Variants in TBCD observed in about 807,000 individuals in gnomAD.
TBCD encodes the protein tubulin-specific chaperone D.
TBCD carries 105 observed loss-of-function variants against 169.3 expected under a neutral mutation model. That is an observed-to-expected ratio of 0.62 (90% confidence interval 0.53 to 0.73). The LOEUF is 0.73. TBCD is among the 30% of genes least tolerant of loss of function. The probability of loss-of-function intolerance (pLI) is 0.00; values close to 1 mark genes in which losing one functional copy is unlikely to be tolerated. For synonymous variants in TBCD, 700 were observed against 643.9 expected (o/e 1.09, Z -1.32); for missense variants, 1,444 against 1,600.1 (o/e 0.90, Z 1.66).
rs560596814 is a variant in TBCD at position 82,759,610 on chromosome 17, A to G, written c.235+3395A>G. On this transcript the variant is annotated intron_variant, in intron 2 of 38. Coordinates refer to ENST00000355528, the MANE Select transcript of TBCD (RefSeq NM_005993.5). ...AGTGCTGGGATGACAGGTGTGAGCC[A>G]CTGCACCCAGTCTCTACTGAAGTTT... Among the ~76,000 whole-genome samples the G allele has an allele frequency of 9.8e-5, 15 of 152,296 alleles. No individual in the cohort carries two copies. In the South Asian group the frequency reaches 2.5e-3, roughly 25 times the overall value.
chr17:82,755,972 G>A (rs2047381265), intron 1 of TBCD, among the ~76,000 whole-genome samples, 193 bp from the exon 2 acceptor site: 1 of 152,062 alleles, frequency 6.6e-6, no homozygotes, highest in Non-Finnish European at 1.5e-5. Flanking sequence ...CCCTCAAAAG[G>A]CTAGAGGGAG....
At chr17:82,810,063 G>C (rs952644897) in intron 12 of TBCD, among the ~76,000 whole-genome samples, 1 of 152,232 alleles carries the variant, frequency 6.6e-6, no homozygotes, top group Admixed American at 6.5e-5. Context: ...TACTGAGTGA[G>C]TTGGGGCTGC....
At chr17:82,803,256 A>G (rs1304749572) in intron 9 of TBCD, among the ~76,000 whole-genome samples, 3 of 152,130 alleles carry the variant, frequency 2.0e-5, no homozygotes, top group Non-Finnish European at 4.4e-5. Flanking sequence ...CCTCCACAGC[A>G]TGGTCCTTGC....
At chr17:82,905,181 C>T (rs1476491139) in intron 19 of TBCD, among the ~76,000 whole-genome samples, 1 of 152,212 alleles carries the variant, frequency 6.6e-6, no homozygotes, top group Admixed American at 6.5e-5. Flanking sequence ...TCCTGCTCCG[C>T]CCCCTCCACC....
chr17:82,805,176 C>CCTCACACAGCT (rs1358406199), intron 9 of TBCD, among the ~76,000 whole-genome samples: 1 of 152,222 alleles, frequency 6.6e-6, no homozygotes, highest in Non-Finnish European at 1.5e-5. Context: ...TCTGACGGCT[C>CCTCACACAGCT]CTCACACAGC....
At chr17:82,907,705 C>T (rs2060348163) in intron 20 of TBCD, 56 bp from the exon 21 acceptor site, 1 of 1,598,842 alleles carries the variant, frequency 6.3e-7, no homozygotes. Context: ...TCCGAGTGTA[C>T]TCGGGGTTAG....
At chr17:82,845,447 C>T (rs1435238289) in intron 13 of TBCD, among the ~76,000 whole-genome samples, 3 of 148,592 alleles carry the variant, frequency 2.0e-5, no homozygotes, top group Non-Finnish European at 4.5e-5. Flanking sequence ...GCCCCTTCCT[C>T]TCCATCTCGT....
intron 24 of TBCD, 23 bp from the exon 25 acceptor site, chr17:82,921,478 A>G (rs1365652368): frequency 6.2e-7 from 1 of 1,608,206 alleles, no homozygotes; most frequent in Admixed American, 1.7e-5. Context: ...TTGCCTGGGT[A>G]CGCTAACTTG....
At chr17:82,844,244 C>T (rs1286681665) in intron 13 of TBCD, among the ~76,000 whole-genome samples, 3 of 5,746 alleles carry the variant, frequency 5.2e-4, no homozygotes, top group Non-Finnish European at 8.7e-4. Flanking sequence ...TGTTTAAAGA[C>T]CTGGGGTCTT....
chr17:82,824,179 C>T (rs1215085703), intron 13 of TBCD, among the ~76,000 whole-genome samples: 1 of 151,488 alleles, frequency 6.6e-6, no homozygotes, highest in African/African-American at 2.4e-5. Context: ...TTTATTTTTA[C>T]TTTTATTTTT....
chr17:82,901,668 C>A (rs1042351531), intron 18 of TBCD, among the ~76,000 whole-genome samples: 1 of 151,908 alleles, frequency 6.6e-6, no homozygotes, highest in African/African-American at 2.4e-5. Flanking sequence ...GGTCCTGCTG[C>A]CTGGGGAGCG....
At chr17:82,899,185 G>A (rs571642227) in intron 17 of TBCD, among the ~76,000 whole-genome samples, 16 of 133,146 alleles carry the variant, frequency 1.2e-4, no homozygotes, top group East Asian at 4.7e-4. Context: ...TCCTCGGCTC[G>A]TGTCCTCAGC....
chr17:82,766,308 A>G lies in TBCD; in HGVS notation c.375A>G (p.Glu125=), dbSNP rs2048012463. The change falls in exon 4 of 39, where the codon GAA becomes GAG. Residue 125 remains glutamate, a synonymous_variant. Coordinates refer to ENST00000355528, the MANE Select transcript of TBCD (RefSeq NM_005993.5). Reference sequence around the variant, plus strand: ...CATTTCTTCGTTTATTTCCTCATGAAGTTGCCGATGTAGAGCCTGTTTTAG... The same window carrying G: ...CATTTCTTCGTTTATTTCCTCATGAGGTTGCCGATGTAGAGCCTGTTTTAG... ...YKTFLRLFPH[E]VADVEPVLDL... 3 of 1,613,322 alleles carry G rather than the reference A, an allele frequency of 1.9e-6. No individual in the cohort carries two copies. The highest frequency in any genetic ancestry group is 1.3e-5 in the African/African-American group (1 of 74,902).
At chr17:82,883,843 G>A (rs1306483619) in intron 14 of TBCD, among the ~76,000 whole-genome samples, 2 of 152,242 alleles carry the variant, frequency 1.3e-5, no homozygotes, top group African/African-American at 4.8e-5. Context: ...CAGGCCAGGT[G>A]CGTTCTGCCC....
intron 34 of TBCD, among the ~76,000 whole-genome samples, chr17:82,936,430 C>T (rs528894201): frequency 1.3e-5 from 2 of 152,314 alleles, no homozygotes; most frequent in South Asian, 2.1e-4. Context: ...TCTTTTCCTG[C>T]CTGTTTGGCT....
Position 82,911,738 on chromosome 17 carries a change from A to T in TBCD, c.2007-20A>T, listed in dbSNP as rs1184571637. The T allele has an allele frequency of 6.2e-7, 1 of 1,613,310 alleles. No homozygotes were observed. The highest frequency in any genetic ancestry group is 8.5e-7 in the Non-Finnish European group (1 of 1,179,556). ...ACGTCAAGAGGTTCTTCTAATTCTG[A>T]TGTTTTCATTCCTTTTCAGGGGTCT... On this transcript the variant is annotated intron_variant, in intron 22 of 38. Coordinates refer to ENST00000355528, the MANE Select transcript of TBCD (RefSeq NM_005993.5).
At chr17:82,861,873 A>G (rs2056795209) in intron 13 of TBCD, among the ~76,000 whole-genome samples, 5 of 152,046 alleles carry the variant, frequency 3.3e-5, no homozygotes. Flanking sequence ...AACGTTTAAA[A>G]TTATTAAGAG....
intron 6 of TBCD, among the ~76,000 whole-genome samples, chr17:82,780,207 C>G (rs992460124): frequency 9.9e-5 from 15 of 152,228 alleles, no homozygotes; most frequent in African/African-American, 3.6e-4. Flanking sequence ...TGGGCAGCAG[C>G]ACTTTCCTCC....
intron 12 of TBCD, among the ~76,000 whole-genome samples, chr17:82,812,421 A>G (rs1251110163): frequency 6.6e-6 from 1 of 152,060 alleles, no homozygotes; most frequent in Non-Finnish European, 1.5e-5. Flanking sequence ...GTGTTCATTC[A>G]AAAGTCAAAC....
Sources: gnomAD v4.1 joint callset for allele counts (sites outside exome capture counted in the v4.1 genomes callset) on GRCh38, gnomAD v4.1.1 for gene constraint, MANE v1.5 for transcripts, NCBI Gene and HGNC (gene_info 2026-07-23, HGNC 2026-07-21) for gene names.